HSDL1: variants seen among roughly 807,000 people sequenced by gnomAD.
HSDL1 encodes the protein hydroxysteroid dehydrogenase like 1.
A neutral mutation model predicts 31.5 loss-of-function variants in HSDL1; 29 were observed. The ratio of observed to expected loss-of-function variants is 0.92; its 90% CI spans 0.69 to 1.26. The LOEUF (loss-of-function observed/expected upper bound fraction) is 1.26. Among genes scored for constraint, HSDL1 ranks in the 50% most tolerant of loss-of-function variants. HSDL1 has a pLI of 0.00. For synonymous variants in HSDL1, 222 were observed against 155.2 expected (o/e 1.43, Z -3.20); for missense variants, 503 against 416.6 (o/e 1.21, Z -1.81).
At chr16:84,131,483 G>GTCTGTCTGTCTGTCTGTCTATCTA (rs1232519658) in intron 2 of HSDL1, among the ~76,000 whole-genome samples, 156 bp from the exon 3 acceptor site, 19 of 144,240 alleles carry the variant, frequency 1.3e-4, no homozygotes, top group African/African-American at 5.0e-4. Context: ...CACAGTTTCA[G>GTCTGTCTGTCTGTCTGTCTATCTA]TCTATCTATC....
chr16:84,128,928 G>A (rs1422899273), intron 5 of HSDL1, among the ~76,000 whole-genome samples: 4 of 151,808 alleles, frequency 2.6e-5, no homozygotes, highest in East Asian at 2.0e-4. Context: ...GGTTGGTCTC[G>A]AACTCCTGAC....
At chr16:84,132,503 T>C (rs1416658863) in intron 2 of HSDL1, among the ~76,000 whole-genome samples, 1 of 152,186 alleles carries the variant, frequency 6.6e-6, no homozygotes, top group Non-Finnish European at 1.5e-5. Context: ...GTCTCTTACA[T>C]TTGAGGAAAG....
chr16:84,133,543 A>C (rs2086686930), intron 2 of HSDL1, among the ~76,000 whole-genome samples: 1 of 152,210 alleles, frequency 6.6e-6, no homozygotes. Context: ...CAGTCTGGCC[A>C]AGATGGTGAA....
intron 5 of HSDL1, among the ~76,000 whole-genome samples, chr16:84,127,239 T>TA (rs1350049132): frequency 2.3e-5 from 3 of 127,766 alleles, no homozygotes; most frequent in African/African-American, 9.0e-5. Flanking sequence ...TTTTTTGAGA[T>TA]AAGAGTCTAG....
intron 1 of HSDL1, among the ~76,000 whole-genome samples, chr16:84,143,627 T>C (rs748543149): frequency 2.0e-4 from 30 of 152,098 alleles, no homozygotes; most frequent in Non-Finnish European, 3.5e-4. Context: ...ATTTCGATTT[T>C]TGAAAACCTA....
chr16:84,138,055 G>C (rs961828291), intron 1 of HSDL1, among the ~76,000 whole-genome samples: 2 of 152,202 alleles, frequency 1.3e-5, no homozygotes, highest in African/African-American at 4.8e-5. Context: ...GATAATGAGG[G>C]CTCCACCACC....
Position 84,131,268 on chromosome 16 carries a change from G to A in HSDL1, c.54C>T (p.Cys18=), listed in dbSNP as rs148710817. Residue 18 remains cysteine (C), a synonymous_variant, in exon 3 of 6, where the codon TGC becomes TGT. Coordinates refer to ENST00000219439, the MANE Select transcript of HSDL1 (RefSeq NM_031463.5). ...YLLYREIARS[C]NCYMEALALV... is the part of the protein sequence containing the mutation. ...AAGCTAGAGCTTCCATATAGCAATTGCAAGACCTGGCGATTTCCCTGTACA... is the reference window on the plus strand; with the variant it reads ...AAGCTAGAGCTTCCATATAGCAATTACAAGACCTGGCGATTTCCCTGTACA... The A allele has an allele frequency of 5.0e-6, 8 of 1,614,002 alleles. No homozygotes were observed. The African/African-American group carries it at 5.3e-5, about 11-fold the overall frequency.
rs1202971139 is a variant in HSDL1 at position 84,123,372 on chromosome 16, T to C, written c.*1258A>G. 2 of 152,248 alleles carry C rather than the reference T, an allele frequency of 1.3e-5. No homozygotes were observed. The highest frequency in any genetic ancestry group is 6.5e-5 in the Admixed American group (1 of 15,280). The allele number at this position is 152,248 out of a possible 1,614,324, so 9.4% of individuals were successfully genotyped here. A position where few individuals can be genotyped will look rare whatever the true frequency, so the allele number is the denominator to read the frequency against. On this transcript the variant is annotated 3_prime_UTR_variant, in exon 6 of 6. Coordinates refer to ENST00000219439, the MANE Select transcript of HSDL1 (RefSeq NM_031463.5). ...GCTCTGAATTTTAAATGTGCACATA[T>C]TGTCATATTCATATAGTGACTTAGA...
chr16:84,130,157 C>G lies in HSDL1; in HGVS notation c.495G>C (p.Leu165=). Residue 165 remains leucine (L), a synonymous_variant, in exon 4 of 6, where the codon CTG becomes CTC. Transcript: ENST00000219439. ...FYPYPQYFTQ[L]SEDKLWDIIN... is the part of the protein sequence containing the mutation. ...TGATGTCCCAGAGCTTGTCCTCGGA[C>G]AGCTGAGTGAAATACTGCGGGTAGG... is the stretch of plus-strand genomic sequence containing the variant. The G allele has an allele frequency of 6.2e-7, 1 of 1,614,226 alleles. No individual in the cohort carries two copies. The highest frequency in any genetic ancestry group is 8.5e-7 in the Non-Finnish European group (1 of 1,180,048).
chr16:84,126,554 C>T (rs1182307835), intron 5 of HSDL1, among the ~76,000 whole-genome samples: 2 of 152,196 alleles, frequency 1.3e-5, no homozygotes, highest in African/African-American at 2.4e-5. Context: ...ACTCCTCTAA[C>T]AGATTTGTTC....
In HSDL1 at chr16:84,124,647, A is replaced by C; in HGVS notation, c.976T>G (p.Leu326Val). The C allele has an allele frequency of 6.2e-7, 1 of 1,613,010 alleles. No individual in the cohort carries two copies. The highest frequency in any genetic ancestry group is 1.1e-5 in the South Asian group (1 of 91,054). ...ILNRSLRKEA[L>V]SCTA The stretch of plus-strand genomic sequence containing the variant: ...ATCCAGACTCAGGCTGTGCAGGATA[A>C]GGCTTCCTTACGTAGTGAACGGTTG... Residue 326 changes from leucine to valine, a missense_variant, in exon 6 of 6, where the codon TTA becomes GTA. Leu to Val is a conservative substitution (Grantham distance 32). Coordinates refer to ENST00000219439, the MANE Select transcript of HSDL1 (RefSeq NM_031463.5).
chr16:84,130,699 C>G (rs535480773), intron 3 of HSDL1, among the ~76,000 whole-genome samples: 11 of 152,340 alleles, frequency 7.2e-5, no homozygotes, highest in Non-Finnish European at 1.5e-4. Flanking sequence ...AATTTGTTTT[C>G]AAACTACTAT....
Position 84,129,610 on chromosome 16 carries a change from G to C in HSDL1, c.832C>G (p.His278Asp), listed in dbSNP as rs1301907807. 1.2e-6 allele frequency: 2 copies of C among 1,614,210 alleles called. No homozygotes were observed. Among genetic ancestry groups the C allele is most frequent in the Non-Finnish European group, 1.7e-6 (2 of 1,180,040 alleles). The change falls in exon 5 of 6, where the codon CAT becomes GAT. Residue 278 changes from histidine (H) to aspartate (D), a missense_variant. Physicochemically the swap from His to Asp is moderately conservative, Grantham distance 81. Transcript: ENST00000219439. ...GAAATCCCAAGAGTAGAAACAGCAT[G>C]ATGTGCATAGACTTTTGGCGAAGGC... ...LVPSPKVYAH[H>D]AVSTLGISKR...
rs187551978 is a variant in HSDL1, at chr16:84,124,800, C to G, written c.895-72G>C. The stretch of plus-strand genomic sequence containing the variant: ...ACACTGAAGGAACAAGTACACAGAC[C>G]AGCACATGAAACCCACCAATCACAA... On this transcript the variant is annotated intron_variant, in intron 5 of 5. Coordinates refer to ENST00000219439, the MANE Select transcript of HSDL1 (RefSeq NM_031463.5). 244 of 990,990 alleles carry G rather than the reference C, an allele frequency of 2.5e-4. 2 individuals are homozygous for G. In the Middle Eastern group the frequency reaches 4.2e-3, roughly 17 times the overall value. 61.4% of individuals were successfully genotyped at this position (990,990 alleles called of 1,614,324 possible).
chr16:84,136,117 C>T (rs2086710323), intron 1 of HSDL1, among the ~76,000 whole-genome samples: 1 of 152,208 alleles, frequency 6.6e-6, no homozygotes, highest in Non-Finnish European at 1.5e-5. Context: ...CACGGGCTGC[C>T]CTGGCTTCTC....
At chr16:84,133,470 G>A (rs748683435) in intron 2 of HSDL1, among the ~76,000 whole-genome samples, 5 of 152,244 alleles carry the variant, frequency 3.3e-5, no homozygotes, top group East Asian at 3.8e-4. Flanking sequence ...GCCGGGCGCG[G>A]TGGCTCATGC....
At chr16:84,139,061 G>C (rs2086739881) in intron 1 of HSDL1, among the ~76,000 whole-genome samples, 1 of 152,158 alleles carries the variant, frequency 6.6e-6, no homozygotes, top group Non-Finnish European at 1.5e-5. Context: ...GGGGCGGGTG[G>C]TGAAAGAACA....
chr16:84,138,539 TCA>T (rs897227854), intron 1 of HSDL1, among the ~76,000 whole-genome samples: 8 of 152,222 alleles, frequency 5.3e-5, no homozygotes, highest in African/African-American at 1.9e-4. Flanking sequence ...GGTGATCATT[TCA>T]CAAAGTATAC....
chr16:84,144,102 G>C lies in HSDL1; in HGVS notation c.-69+978C>G, dbSNP rs1476823941. Reference sequence around the variant, plus strand: ...TCTCTCTCTCTCTCTCTCCTGTGGCGGTCAGAGTAAAATTGAGAGCTCACT... The same window carrying C: ...TCTCTCTCTCTCTCTCTCCTGTGGCCGTCAGAGTAAAATTGAGAGCTCACT... On this transcript the variant is annotated intron_variant, in intron 1 of 5. Transcript: ENST00000219439. 4.1e-5 allele frequency among the ~76,000 whole-genome samples: 6 copies of C among 145,666 alleles called. No homozygotes were observed. In the Admixed American group the frequency reaches 4.4e-4, roughly 11 times the overall value.
Sources: allele counts gnomAD v4.1 joint callset (sites outside exome capture counted in the v4.1 genomes callset), GRCh38; gene constraint gnomAD v4.1.1; transcripts MANE v1.5; gene names NCBI Gene and HGNC (gene_info 2026-07-23, HGNC 2026-07-21).